KLHL1: variants seen among roughly 807,000 people sequenced by gnomAD.
KLHL1 encodes the protein kelch like family member 1, also known as kelch-like protein 1.
Under a neutral mutation model 77.7 loss-of-function variants are expected in KLHL1, and 47 were observed. The ratio of observed to expected loss-of-function variants is 0.60; its 90% CI spans 0.48 to 0.77. The LOEUF (loss-of-function observed/expected upper bound fraction) is 0.77, where lower values mean the gene tolerates loss of function less well. Among genes scored for constraint, KLHL1 ranks in the 30% least tolerant of loss-of-function variants. The pLI, the probability that KLHL1 is intolerant of heterozygous loss-of-function variation, is 0.00. For missense variants in KLHL1, 925 were observed against 910.8 expected, an observed-to-expected ratio of 1.02 and a Z score of -0.20; for synonymous variants, 360 against 325.2, an observed-to-expected ratio of 1.11 and a Z score of -1.15.
chr13:69,776,738 C>A (rs560844205), intron 7 of KLHL1, among the ~76,000 whole-genome samples: 2 of 151,964 alleles, frequency 1.3e-5, no homozygotes, highest in African/African-American at 2.4e-5. Flanking sequence ...CTTACAAAAA[C>A]AAAAGCATGC....
chr13:69,781,928 T>A (rs895726677), intron 7 of KLHL1, among the ~76,000 whole-genome samples: 1 of 152,168 alleles, frequency 6.6e-6, no homozygotes, highest in African/African-American at 2.4e-5. Context: ...TTTATTGCTT[T>A]TAAAGAGATG....
At chr13:69,953,249 G>A (rs940356029) in intron 3 of KLHL1, among the ~76,000 whole-genome samples, 4 of 150,856 alleles carry the variant, frequency 2.7e-5, no homozygotes, top group Non-Finnish European at 5.9e-5. Context: ...CTCCATTTGG[G>A]TATCATCTAT....
chr13:69,779,975 C>T (rs2015332), intron 7 of KLHL1, among the ~76,000 whole-genome samples: 35,517 of 151,688 alleles, frequency 0.23, 4,271 homozygotes, highest in South Asian at 0.33. Flanking sequence ...AACTAATTTT[C>T]GTATTTTTAG....
chr13:69,909,874 T>G (rs1385699854), intron 4 of KLHL1, among the ~76,000 whole-genome samples: 1 of 152,130 alleles, frequency 6.6e-6, no homozygotes, highest in Non-Finnish European at 1.5e-5. Flanking sequence ...ATTTTGTTTT[T>G]CCCCAGGCCT....
At chr13:70,039,153 G>C (rs1191974462) in intron 1 of KLHL1, among the ~76,000 whole-genome samples, 1 of 147,814 alleles carries the variant, frequency 6.8e-6, no homozygotes, top group East Asian at 2.0e-4. Context: ...CTGTAAACTT[G>C]AATTCCTAGG....
intron 3 of KLHL1, among the ~76,000 whole-genome samples, chr13:69,951,250 A>G (rs1883698613): frequency 6.6e-6 from 1 of 151,528 alleles, no homozygotes; most frequent in East Asian, 1.9e-4. Context: ...AGCCTTATAC[A>G]CCATGGATAT....
intron 1 of KLHL1, among the ~76,000 whole-genome samples, chr13:70,001,169 T>G (rs1593664424): frequency 6.6e-6 from 1 of 151,078 alleles, no homozygotes; most frequent in South Asian, 2.1e-4. Flanking sequence ...ATTTCAATGT[T>G]TGCTGAAATG....
At chr13:70,091,064 T>G (rs143800179) in intron 1 of KLHL1, among the ~76,000 whole-genome samples, 5 of 152,168 alleles carry the variant, frequency 3.3e-5, no homozygotes, top group African/African-American at 1.2e-4. Flanking sequence ...ATTCCCGTGC[T>G]TATGACTCTC....
chr13:69,721,436 G>T (rs1198683169), intron 8 of KLHL1, among the ~76,000 whole-genome samples: 1 of 151,340 alleles, frequency 6.6e-6, no homozygotes, highest in Admixed American at 6.6e-5. Context: ...CCTTAACTTT[G>T]GTAAAATAAA....
At chr13:70,026,925 T>C (rs942138987) in intron 1 of KLHL1, among the ~76,000 whole-genome samples, 1 of 152,148 alleles carries the variant, frequency 6.6e-6, no homozygotes, top group African/African-American at 2.4e-5. Context: ...CTATGTTTTA[T>C]CAATGTTATA....
chr13:69,798,099 G>T (rs35060900), intron 6 of KLHL1, among the ~76,000 whole-genome samples: 57,685 of 151,534 alleles, frequency 0.38, 11,246 homozygotes, highest in African/African-American at 0.47. Context: ...ATGTTTATAA[G>T]ATAATATAAG....
At chr13:69,834,642 C>T (rs1338965265) in intron 6 of KLHL1, among the ~76,000 whole-genome samples, 1 of 152,000 alleles carries the variant, frequency 6.6e-6, no homozygotes, top group African/African-American at 2.4e-5. Flanking sequence ...TAGATGTTTA[C>T]TGAAATTCTG....
intron 9 of KLHL1, among the ~76,000 whole-genome samples, chr13:69,714,445 T>A (rs570073526): frequency 1.3e-5 from 2 of 152,262 alleles, no homozygotes; most frequent in South Asian, 4.1e-4. Flanking sequence ...AATGCCAGTT[T>A]AAACAAACTT....
rs371876461 is a variant in KLHL1 at position 69,719,440 on chromosome 13, A to G, written c.1944T>C (p.Phe648=). ...GGVGVATCDG[F]LYAVGGHDAP... ...CATCATGACCTCCTACTGCATAAAG[A>G]AAACCGTCACATGTGGCCACTCCGA... Residue 648 remains phenylalanine, a synonymous_variant, in exon 9 of 11, where the codon TTT becomes TTC. Coordinates refer to ENST00000377844, the MANE Select transcript of KLHL1 (RefSeq NM_020866.3). 8 of 1,613,530 alleles carry G rather than the reference A, an allele frequency of 5.0e-6. No individual in the cohort carries two copies. The highest frequency in any genetic ancestry group is 6.8e-6 in the Non-Finnish European group (8 of 1,179,788).
chr13:69,713,619 T>C (rs953371200), intron 9 of KLHL1, among the ~76,000 whole-genome samples: 18 of 152,160 alleles, frequency 1.2e-4, no homozygotes, highest in Admixed American at 2.6e-4. Context: ...TGGATTTATA[T>C]ACATGCTTTA....
At chr13:69,923,354 G>A (rs1204049027) in intron 4 of KLHL1, among the ~76,000 whole-genome samples, 16 of 152,170 alleles carry the variant, frequency 1.1e-4, no homozygotes, top group Non-Finnish European at 5.9e-5. Flanking sequence ...ATGCTGCAAT[G>A]GGGATTCAAG....
At chr13:69,970,207 C>T (rs182832001) in intron 2 of KLHL1, among the ~76,000 whole-genome samples, 43 of 152,176 alleles carry the variant, frequency 2.8e-4, no homozygotes, top group Admixed American at 7.9e-4. Flanking sequence ...AAACATAACC[C>T]TGTATCTCAA....
Position 70,090,629 on chromosome 13 carries a change from G to A in KLHL1, c.497+16574C>T, listed in dbSNP as rs939395055. 1.3e-5 allele frequency among the ~76,000 whole-genome samples: 2 copies of A among 152,118 alleles called. 1 individual carries two copies. The highest frequency in any genetic ancestry group is 6.8e-3 in the Middle Eastern group (2 of 292). On this transcript the variant is annotated intron_variant, in intron 1 of 10. Coordinates refer to ENST00000377844, the MANE Select transcript of KLHL1 (RefSeq NM_020866.3). ...GATATAGGGAGAAGAAGTCAGAAAG[G>A]TCTTTATGCAAGGCACAGAAAGAAG...
At chr13:69,836,241 C>T (rs1290538283) in intron 6 of KLHL1, among the ~76,000 whole-genome samples, 1 of 152,002 alleles carries the variant, frequency 6.6e-6, no homozygotes, top group Non-Finnish European at 1.5e-5. Flanking sequence ...AATTGCAGCT[C>T]AGGGCAATCA....
Sources: allele counts gnomAD v4.1 joint callset (sites outside exome capture counted in the v4.1 genomes callset), GRCh38; gene constraint gnomAD v4.1.1; transcripts MANE v1.5; gene names NCBI Gene and HGNC (gene_info 2026-07-23, HGNC 2026-07-21).